The following MALRD1 variants were observed in gnomAD, a reference collection of about 807,000 sequenced individuals.
The protein encoded by MALRD1 is MAM and LDL-receptor class A domain-containing protein 1.
A neutral mutation model predicts 242.1 loss-of-function variants in MALRD1; 247 were observed. The observed-to-expected ratio is 1.02, with a 90% confidence interval of 0.92 to 1.13. MALRD1 has a LOEUF of 1.13. MALRD1 is among the 50% of genes most tolerant of loss of function. The probability of loss-of-function intolerance (pLI) is 0.00; values close to 1 mark genes in which losing one functional copy is unlikely to be tolerated. For synonymous variants in MALRD1, 995 were observed against 866.6 expected, an observed-to-expected ratio of 1.15 and a Z score of -2.60; for missense variants, 2,989 against 2,533.1, an observed-to-expected ratio of 1.18 and a Z score of -3.86.
rs1339605926 is a variant in MALRD1 at position 19,283,186 on chromosome 10, G to C, written c.3419+5G>C. 6.6e-7 allele frequency: 1 copy of C among 1,523,902 alleles called. No homozygotes were observed. The highest frequency in any genetic ancestry group is 8.8e-7 in the Non-Finnish European group (1 of 1,133,510). 94.4% of individuals were successfully genotyped at this position (1,523,902 alleles called of 1,614,324 possible). A position where few individuals can be genotyped will look rare whatever the true frequency, so the allele number is the denominator to read the frequency against. On this transcript the variant is annotated splice_donor_5th_base_variant and intron_variant, in intron 21 of 39. Coordinates refer to ENST00000454679, the MANE Select transcript of MALRD1 (RefSeq NM_001142308.3). Reference sequence around the variant, plus strand: ...GCCATCAGTGGATCATACACAGTAAGTGACCATGTATTTTGAATATCTCTC... The same window carrying C: ...GCCATCAGTGGATCATACACAGTAACTGACCATGTATTTTGAATATCTCTC...
intron 28 of MALRD1, among the ~76,000 whole-genome samples, chr10:19,413,397 G>A (rs1251777611): frequency 2.0e-5 from 3 of 151,868 alleles, no homozygotes; most frequent in South Asian, 2.1e-4. Context: ...GTAATACTCA[G>A]TTTAGTATAC....
At chr10:19,099,771 T>TTTTTA (rs397846635) in intron 4 of MALRD1, among the ~76,000 whole-genome samples, 1 of 149,104 alleles carries the variant, frequency 6.7e-6, no homozygotes, top group African/African-American at 2.5e-5. Flanking sequence ...ATATTTTTTT[T>TTTTTA]AATTTTTTTT....
intron 31 of MALRD1, among the ~76,000 whole-genome samples, chr10:19,502,014 AAAAAAAAAAAAGAAAAG>A (rs1248531725): frequency 2.0e-5 from 2 of 100,264 alleles, no homozygotes; most frequent in African/African-American, 1.1e-4. Flanking sequence ...TTCTGTCTCA[AAAAAAAAAAAAGAAAAG>A]AAAAGAAAAG....
chr10:19,605,154 TTTA>T (rs202074149), intron 34 of MALRD1, among the ~76,000 whole-genome samples: 19 of 117,724 alleles, frequency 1.6e-4, no homozygotes, highest in Middle Eastern at 4.5e-3. Flanking sequence ...TATTTATTTT[TTTA>T]TTATTATTTT....
At chr10:19,600,735 A>G (rs1281313384) in intron 34 of MALRD1, among the ~76,000 whole-genome samples, 1 of 152,190 alleles carries the variant, frequency 6.6e-6, no homozygotes, top group African/African-American at 2.4e-5. Flanking sequence ...TTCAGGAAGT[A>G]GCGCCAATGA....
intron 35 of MALRD1, among the ~76,000 whole-genome samples, chr10:19,611,491 A>G (rs964114340): frequency 1.3e-5 from 2 of 152,050 alleles, no homozygotes; most frequent in Non-Finnish European, 2.9e-5. Context: ...ATTTCTGTGT[A>G]ATCAGTTGTG....
At position 19,700,754 on chromosome 10, in the gene MALRD1, C is replaced by G. The variant is rs149129937; in HGVS notation, c.6314+8200C>G. On this transcript the variant is annotated intron_variant, in intron 38 of 39. Transcript: ENST00000454679. The stretch of plus-strand genomic sequence containing the variant: ...CTTTTTTCCCTATGACTGCCAAAAA[C>G]AATTATCACCCAAGACTTTTGTCAG... Among the ~76,000 whole-genome samples the G allele has an allele frequency of 6.0e-3, 906 of 152,142 alleles. 10 individuals are homozygous for G. The highest frequency in any genetic ancestry group is 0.021 in the African/African-American group (867 of 41,494).
chr10:19,276,157 G>T (rs902997628), intron 19 of MALRD1, among the ~76,000 whole-genome samples: 1 of 152,184 alleles, frequency 6.6e-6, no homozygotes, highest in African/African-American at 2.4e-5. Context: ...ATGTGCTGAA[G>T]TGAAAGAGCT....
chr10:19,560,381 T>A (rs931993278), intron 32 of MALRD1, among the ~76,000 whole-genome samples: 1 of 151,986 alleles, frequency 6.6e-6, no homozygotes, highest in Non-Finnish European at 1.5e-5. Context: ...GGCAGGAGAA[T>A]CACTTGAACC....
intron 18 of MALRD1, among the ~76,000 whole-genome samples, chr10:19,219,706 G>A (rs1588715305): frequency 6.6e-6 from 1 of 152,154 alleles, no homozygotes; most frequent in South Asian, 2.1e-4. Flanking sequence ...TTACAGGCAT[G>A]AGCCACCATA....
At chr10:19,211,064 C>G (rs2803835) in intron 18 of MALRD1, among the ~76,000 whole-genome samples, 111,979 of 152,074 alleles carry the variant, frequency 0.74, 41,489 homozygotes, top group South Asian at 0.84. Context: ...TAATTCTTAA[C>G]GTCTCATTGG....
intron 33 of MALRD1, among the ~76,000 whole-genome samples, chr10:19,583,393 G>T (rs1262080901): frequency 1.3e-5 from 2 of 150,540 alleles, no homozygotes; most frequent in Admixed American, 6.6e-5. Flanking sequence ...TTTGAGATAC[G>T]TCCCATCAAT....
At chr10:19,099,545 T>G (rs1299023885) in intron 4 of MALRD1, among the ~76,000 whole-genome samples, 1 of 152,092 alleles carries the variant, frequency 6.6e-6, no homozygotes, top group African/African-American at 2.4e-5. Flanking sequence ...AACTCCATGA[T>G]CTCTCCTATG....
intron 27 of MALRD1, among the ~76,000 whole-genome samples, chr10:19,388,625 C>T (rs1023330366): frequency 1.3e-5 from 2 of 152,054 alleles, no homozygotes; most frequent in East Asian, 3.9e-4. Flanking sequence ...TATAGAGATG[C>T]CATGAAAATT....
rs567652113 is a variant in MALRD1 at position 19,618,680 on chromosome 10, G to A, written c.6137+2757G>A. 3.9e-5 allele frequency among the ~76,000 whole-genome samples: 6 copies of A among 152,090 alleles called. No homozygotes were observed. The East Asian group carries it at 9.7e-4, about 25-fold the overall frequency. ...CTTTTGCTCACTTTTCAATGGGGTT[G>A]TTTGTTTTCTTCTTGTAAATTTGAA... On this transcript the variant is annotated intron_variant, in intron 36 of 39. Coordinates refer to ENST00000454679, the MANE Select transcript of MALRD1 (RefSeq NM_001142308.3).
At chr10:19,102,008 A>G (rs1022426540) in intron 4 of MALRD1, among the ~76,000 whole-genome samples, 3 of 140,384 alleles carry the variant, frequency 2.1e-5, no homozygotes, top group Non-Finnish European at 4.6e-5. Context: ...ACATATATCT[A>G]TATTATAATG....
intron 7 of MALRD1, among the ~76,000 whole-genome samples, chr10:19,125,068 C>G (rs1254704262): frequency 6.7e-6 from 1 of 149,950 alleles, no homozygotes; most frequent in Non-Finnish European, 1.5e-5. Flanking sequence ...GTCTCAGCCT[C>G]CCAAGCAGCT....
At chr10:19,570,421 G>A (rs1351391594) in intron 33 of MALRD1, among the ~76,000 whole-genome samples, 1 of 152,052 alleles carries the variant, frequency 6.6e-6, no homozygotes, top group East Asian at 1.9e-4. Flanking sequence ...TGTGACATTT[G>A]AAGTAAACTC....
intron 1 of MALRD1, among the ~76,000 whole-genome samples, chr10:19,057,793 A>T (rs1310496417): frequency 6.6e-6 from 1 of 152,184 alleles, no homozygotes; most frequent in African/African-American, 2.4e-5. Context: ...TTTATCTAGG[A>T]AAATGAGAGA....
Sources: allele counts gnomAD v4.1 joint callset (sites outside exome capture counted in the v4.1 genomes callset), GRCh38; gene constraint gnomAD v4.1.1; transcripts MANE v1.5; gene names NCBI Gene and HGNC (gene_info 2026-07-23, HGNC 2026-07-21).